The following SHB variants were observed in gnomAD, a reference collection of about 807,000 sequenced individuals.
SHB encodes the protein SH2 domain-containing adapter protein B.
In SHB, 20 loss-of-function variants were observed where a neutral mutation model predicts 52.3. The ratio of observed to expected loss-of-function variants is 0.38; its 90% CI spans 0.27 to 0.56. The LOEUF (loss-of-function observed/expected upper bound fraction) is 0.56. Ranked by LOEUF, SHB falls within the 20% of genes least tolerant of loss-of-function variation. The pLI is 0.71. For missense variants in SHB, 825 were observed against 723.3 expected (o/e 1.14, Z -1.61); for synonymous variants, 397 against 316.5 (o/e 1.25, Z -2.70).
intron 2 of SHB, among the ~76,000 whole-genome samples, chr9:37,997,358 G>C (rs1186327853): frequency 2.0e-5 from 3 of 152,192 alleles, no homozygotes; most frequent in South Asian, 2.1e-4. Context: ...CTCTCCTCCA[G>C]GTCTGAGCTT....
intron 5 of SHB, 98 bp from the exon 6 acceptor site, chr9:37,920,102 A>G (rs1035555804): frequency 4.1e-6 from 4 of 965,100 alleles, no homozygotes; most frequent in Non-Finnish European, 6.4e-6. Flanking sequence ...GATCCCAGCC[A>G]TGAAGTGGCT....
intron 1 of SHB, among the ~76,000 whole-genome samples, chr9:38,032,167 G>A (rs1041958700): frequency 4.6e-5 from 7 of 152,166 alleles, no homozygotes; most frequent in African/African-American, 1.7e-4. Context: ...AGGGGGCACC[G>A]CCTAGAGAGC....
At chr9:38,064,245 C>T (rs910798926) in intron 1 of SHB, among the ~76,000 whole-genome samples, 27 of 152,146 alleles carry the variant, frequency 1.8e-4, no homozygotes, top group African/African-American at 6.3e-4. Flanking sequence ...CAGATTTTGG[C>T]AGCTGTTTAT....
At chr9:37,969,114 A>C (rs1292219196) in intron 3 of SHB, among the ~76,000 whole-genome samples, 1 of 152,196 alleles carries the variant, frequency 6.6e-6, no homozygotes, top group Non-Finnish European at 1.5e-5. Flanking sequence ...AAGTGAGATG[A>C]AGAAATTAGT....
chr9:38,001,232 T>TA (rs1384870928), intron 2 of SHB, among the ~76,000 whole-genome samples: 1 of 152,146 alleles, frequency 6.6e-6, no homozygotes, highest in Non-Finnish European at 1.5e-5. Context: ...GGTCCTTAGG[T>TA]AGGCAACTCT....
chr9:37,939,263 T>TA (rs985939031), intron 5 of SHB, among the ~76,000 whole-genome samples: 25 of 152,354 alleles, frequency 1.6e-4, no homozygotes, highest in African/African-American at 5.3e-4. Context: ...GGAGAACTTC[T>TA]AAGCTTAGCT....
chr9:37,930,374 G>C (rs938922722), intron 5 of SHB, among the ~76,000 whole-genome samples: 2 of 152,080 alleles, frequency 1.3e-5, no homozygotes, highest in Non-Finnish European at 2.9e-5. Context: ...CAGCAGACTA[G>C]AGTCTGCAGT....
At position 38,053,514 on chromosome 9, in the gene SHB, G is replaced by A. The variant is rs141055035; in HGVS notation, c.717+14415C>T. Among the ~76,000 whole-genome samples the A allele has an allele frequency of 3.9e-3, 592 of 152,300 alleles. 2 individuals are homozygous for A. Among genetic ancestry groups the A allele is most frequent in the African/African-American group, 0.013 (552 of 41,566 alleles). On this transcript the variant is annotated intron_variant, in intron 1 of 5. Transcript: ENST00000377707. Reference sequence around the variant, plus strand: ...AGTCTCCCAAAGTGCTGGGATTACAGGTGTGAGCCACCACACCCAGCCAGA... The same window carrying A: ...AGTCTCCCAAAGTGCTGGGATTACAAGTGTGAGCCACCACACCCAGCCAGA...
At position 38,067,982 on chromosome 9, in the gene SHB, T is replaced by G; in HGVS notation, c.664A>C (p.Asn222His). The G allele has an allele frequency of 6.4e-7, 1 of 1,551,862 alleles. No homozygotes were observed. The highest frequency in any genetic ancestry group is 1.9e-4 in the Middle Eastern group (1 of 5,274). ...PTACGGKKLL[N>H]KCAASAAEES... Reference sequence around the variant, plus strand: ...TCCGCGGCTGAGGCGGCGCACTTGTTGAGCAGTTTCTTGCCTCCGCAGGCC... The same window carrying G: ...TCCGCGGCTGAGGCGGCGCACTTGTGGAGCAGTTTCTTGCCTCCGCAGGCC... Residue 222 changes from asparagine (N) to histidine (H), a missense_variant, in exon 1 of 6, where the codon AAC becomes CAC. Asn to His is a moderately conservative substitution (Grantham distance 68). Transcript: ENST00000377707.
intron 2 of SHB, chr9:38,015,279 A>T (rs1338896649): frequency 4.9e-6 from 3 of 607,396 alleles, no homozygotes; most frequent in South Asian, 3.9e-5. Flanking sequence ...AATCCTGCCT[A>T]CAAGATGACT....
chr9:38,040,796 TCTAGATG>T (rs1279520303), intron 1 of SHB, among the ~76,000 whole-genome samples: 1 of 151,996 alleles, frequency 6.6e-6, no homozygotes, highest in Non-Finnish European at 1.5e-5. Context: ...TTTTGAGGGC[TCTAGATG>T]CTAAAGTCTT....
intron 3 of SHB, among the ~76,000 whole-genome samples, chr9:37,956,830 CAG>C (rs1051807464): frequency 1.1e-4 from 16 of 152,316 alleles, no homozygotes; most frequent in Middle Eastern, 3.4e-3. Flanking sequence ...CTCTGAAAAA[CAG>C]GGATAATGAC....
At chr9:37,995,899 G>A (rs1447414050) in intron 2 of SHB, among the ~76,000 whole-genome samples, 2 of 152,152 alleles carry the variant, frequency 1.3e-5, no homozygotes, top group East Asian at 1.9e-4. Flanking sequence ...CACCATCTTA[G>A]GCAGGTGTCT....
At chr9:37,948,312 G>A (rs766015839) in intron 5 of SHB, among the ~76,000 whole-genome samples, 4 of 152,162 alleles carry the variant, frequency 2.6e-5, no homozygotes, top group African/African-American at 4.8e-5. Flanking sequence ...AAGGACCATC[G>A]TCGTGGGCTT....
At chr9:38,040,082 A>G (rs1319431654) in intron 1 of SHB, among the ~76,000 whole-genome samples, 1 of 152,238 alleles carries the variant, frequency 6.6e-6, no homozygotes, top group Non-Finnish European at 1.5e-5. Context: ...AAATTAGTAC[A>G]CTACCTCAGG....
At chr9:38,021,593 A>C (rs1327610549) in intron 1 of SHB, among the ~76,000 whole-genome samples, 1 of 151,418 alleles carries the variant, frequency 6.6e-6, no homozygotes, top group Non-Finnish European at 1.5e-5. Context: ...GCTTGAACCC[A>C]GGAGGCGGAG....
At chr9:37,951,363 C>A (rs1564086445) in intron 4 of SHB, among the ~76,000 whole-genome samples, 1 of 152,202 alleles carries the variant, frequency 6.6e-6, no homozygotes, top group Non-Finnish European at 1.5e-5. Flanking sequence ...TAAAACACCA[C>A]AAGTAAAACA....
Position 38,068,059 on chromosome 9 carries a change from G to A in SHB, c.587C>T (p.Ala196Val), listed in dbSNP as rs1323485439. ...GCAGGCGCCCCCCAGGGGGTCCCCG[G>A]CCCCACCGCCCGCGGCGCTCTCCAC... Reference protein sequence around the residue: ...IKVESAAGGGAGDPLGGACAG... With the variant: ...IKVESAAGGGVGDPLGGACAG... Residue 196 changes from alanine (A) to valine (V), a missense_variant, in exon 1 of 6, where the codon GCC (alanine) becomes GTC (valine). Transcript: ENST00000377707. The A allele has an allele frequency of 4.0e-6, 6 of 1,492,058 alleles. No homozygotes were observed. Among genetic ancestry groups the A allele is most frequent in the Non-Finnish European group, 8.8e-7 (1 of 1,130,750 alleles). The allele number at this position is 1,492,058 out of a possible 1,614,324, so 92.4% of individuals were successfully genotyped here.
intron 1 of SHB, among the ~76,000 whole-genome samples, chr9:38,020,969 G>C (rs1159440739): frequency 6.6e-6 from 1 of 152,160 alleles, no homozygotes; most frequent in East Asian, 1.9e-4. Flanking sequence ...AAGGGCTGGT[G>C]GCACTTCAGA....
Sources: allele counts gnomAD v4.1 joint callset (sites outside exome capture counted in the v4.1 genomes callset), GRCh38; gene constraint gnomAD v4.1.1; transcripts MANE v1.5; gene names NCBI Gene and HGNC (gene_info 2026-07-23, HGNC 2026-07-21).